The following SLC3A1 variants were observed in gnomAD, a reference collection of about 807,000 sequenced individuals.
SLC3A1 encodes the protein amino acid transporter heavy chain SLC3A1.
SLC3A1 carries 78 observed loss-of-function variants against 60.3 expected under a neutral mutation model. The ratio of observed to expected loss-of-function variants is 1.29; its 90% CI spans 1.08 to 1.56. SLC3A1 has a LOEUF of 1.56. SLC3A1 is among the 40% of genes most tolerant of loss of function. The probability of loss-of-function intolerance (pLI) is 0.00; values close to 1 mark genes in which losing one functional copy is unlikely to be tolerated. For synonymous variants in SLC3A1, 392 were observed against 307.9 expected (o/e 1.27, Z -2.86); for missense variants, 1,172 against 858.9 (o/e 1.36, Z -4.56).
At chr2:44,308,033 G>A (rs1012762489) in intron 7 of SLC3A1, among the ~76,000 whole-genome samples, 1 of 152,156 alleles carries the variant, frequency 6.6e-6, no homozygotes. Context: ...CCAGCACTTT[G>A]GGAGGCTGAG....
At chr2:44,312,325 T>C (rs1179755802) in intron 7 of SLC3A1, among the ~76,000 whole-genome samples, 1 of 152,194 alleles carries the variant, frequency 6.6e-6, no homozygotes, top group Non-Finnish European at 1.5e-5. Context: ...TGAGAAAATA[T>C]GACTATGTAC....
chr2:44,321,254 CTTAAAAGTCTCAAG>C lies in SLC3A1; in HGVS notation c.*619_*632del. On this transcript the variant is annotated 3_prime_UTR_variant, in exon 10 of 10. Coordinates refer to ENST00000260649, the MANE Select transcript of SLC3A1 (RefSeq NM_000341.4). The stretch of plus-strand genomic sequence containing the variant: ...GAAGCACATTTTAAAAAATTAATAA[CTTAAAAGTCTCAAG>C]TTATTAATTTTTTTTTTGCTAACTC... 9.7e-7 allele frequency: 1 copy of C among 1,034,046 alleles called. No individual in the cohort carries two copies. 64.1% of individuals were successfully genotyped at this position (1,034,046 alleles called of 1,614,324 possible).
chr2:44,310,473 G>A (rs928091577), intron 7 of SLC3A1, among the ~76,000 whole-genome samples: 2 of 152,028 alleles, frequency 1.3e-5, no homozygotes, highest in Admixed American at 1.3e-4. Flanking sequence ...TTGCCCTCTG[G>A]CCTTCATGGT....
intron 4 of SLC3A1, among the ~76,000 whole-genome samples, chr2:44,297,560 C>G (rs1046402359): frequency 3.9e-5 from 6 of 152,222 alleles, no homozygotes; most frequent in Non-Finnish European, 8.8e-5. Flanking sequence ...GGTGTCTCCT[C>G]TCATGAGGAC....
Position 44,321,398 on chromosome 2 carries a change from GCT to G in SLC3A1, c.*760_*761del. The stretch of plus-strand genomic sequence containing the variant: ...TCTTAAGATCCTCGAAAACACTGGT[GCT>G]GTCAAGTCCAAGTTCCTCGTACAGG... On this transcript the variant is annotated 3_prime_UTR_variant, in exon 10 of 10. Coordinates refer to ENST00000260649, the MANE Select transcript of SLC3A1 (RefSeq NM_000341.4). 2 of 1,612,896 alleles carry G rather than the reference GCT, an allele frequency of 1.2e-6. No homozygotes were observed. Among genetic ancestry groups the G allele is most frequent in the Non-Finnish European group, 1.7e-6 (2 of 1,179,082 alleles).
At chr2:44,289,612 A>C (rs1026558369) in intron 4 of SLC3A1, among the ~76,000 whole-genome samples, 2 of 151,250 alleles carry the variant, frequency 1.3e-5, no homozygotes, top group African/African-American at 4.9e-5. Flanking sequence ...AAGCGTTTTT[A>C]ATTTTGATGA....
rs149688828 is a variant in SLC3A1 at position 44,299,756 on chromosome 2, A to T, written c.892-215A>T. 1.2e-3 allele frequency among the ~76,000 whole-genome samples: 187 copies of T among 152,336 alleles called. 1 individual carries two copies. The highest frequency in any genetic ancestry group is 4.1e-3 in the African/African-American group (171 of 41,578). ...TAACTAATTGTAATTCTGAATTCAC[A>T]TATGAAGGAGGTGTGGGAGTCGCTA... On this transcript the variant is annotated intron_variant, in intron 4 of 9. Coordinates refer to ENST00000260649, the MANE Select transcript of SLC3A1 (RefSeq NM_000341.4).
rs148449612 is a variant in SLC3A1 at position 44,320,581 on chromosome 2, T to C, written c.2000T>C (p.Phe667Ser). 1.1e-5 allele frequency: 17 copies of C among 1,613,934 alleles called. No homozygotes were observed. The highest frequency in any genetic ancestry group is 1.4e-5 in the Non-Finnish European group (16 of 1,179,934). ...CAAACAGCTTTCAGAGATAGATGCT[T>C]TGTTTCCAATCGAGCATGCTATTCC... ...HRQTAFRDRC[F>S]VSNRACYSSV... The change falls in exon 10 of 10, where the codon TTT becomes TCT. Residue 667 changes from phenylalanine (F) to serine (S), a missense_variant. Physicochemically the swap from Phe to Ser is radical, Grantham distance 155. Transcript: ENST00000260649.
intron 7 of SLC3A1, 125 bp downstream of exon 7, chr2:44,304,463 C>T (rs934795026): frequency 1.0e-5 from 8 of 786,808 alleles, no homozygotes; most frequent in Non-Finnish European, 1.5e-5. Flanking sequence ...GGTGATTGTT[C>T]AGTGGTCAGG....
chr2:44,286,133 T>G lies in SLC3A1; in HGVS notation c.867T>G (p.Asn289Lys), dbSNP rs1221869329. ...AGCAACCTGATTTAAATTTCCGCAA[T>G]CCTGATGTTCAAGAAGAAATAAAAG... ...MKEQPDLNFRNPDVQEEIKEI... is the reference protein window; with the variant it reads ...MKEQPDLNFRKPDVQEEIKEI... The change falls in exon 4 of 10, where the codon AAT (asparagine) becomes AAG (lysine). Residue 289 changes from asparagine to lysine, a missense_variant. Transcript: ENST00000260649. 4.3e-6 allele frequency: 7 copies of G among 1,613,922 alleles called. No homozygotes were observed. The highest frequency in any genetic ancestry group is 5.1e-6 in the Non-Finnish European group (6 of 1,179,940).
downstream of SLC3A1, chr2:44,321,579 G>C (rs1247356139): frequency 6.7e-7 from 1 of 1,493,998 alleles, no homozygotes; most frequent in Non-Finnish European, 8.9e-7. Flanking sequence ...TTTCATTCGA[G>C]AGAGAGGCAG....
Position 44,320,816 on chromosome 2 carries a change from A to C in SLC3A1, c.*177A>C, listed in dbSNP as rs1301517112. The C allele has an allele frequency of 1.6e-6, 1 of 641,610 alleles. No homozygotes were observed. The highest frequency in any genetic ancestry group is 1.8e-5 in the African/African-American group (1 of 54,826). 39.7% of individuals were successfully genotyped at this position (641,610 alleles called of 1,614,324 possible). ...ATGTTTTGAAAAAAATAAAATGTTTAAAAGTAAATTATGGCTTATAGGAGC... is the reference window on the plus strand; with the variant it reads ...ATGTTTTGAAAAAAATAAAATGTTTCAAAGTAAATTATGGCTTATAGGAGC... On this transcript the variant is annotated 3_prime_UTR_variant, in exon 10 of 10. Coordinates refer to ENST00000260649, the MANE Select transcript of SLC3A1 (RefSeq NM_000341.4).
chr2:44,294,107 A>G (rs4953081), intron 4 of SLC3A1, among the ~76,000 whole-genome samples: 125,007 of 152,040 alleles, frequency 0.82, 52,335 homozygotes, highest in African/African-American at 0.88. Context: ...GAGAAGGGAG[A>G]CAAACCAAGG....
chr2:44,310,109 G>C (rs1181582397), intron 7 of SLC3A1, among the ~76,000 whole-genome samples: 2 of 152,028 alleles, frequency 1.3e-5, no homozygotes, highest in East Asian at 1.9e-4. Flanking sequence ...GTCCAAGCTG[G>C]TCTTGAACTC....
At chr2:44,313,266 G>C (rs12476997) in intron 8 of SLC3A1, among the ~76,000 whole-genome samples, 12,391 of 152,184 alleles carry the variant, frequency 0.081, 585 homozygotes, top group Non-Finnish European at 0.11. Context: ...TGTAGCTACA[G>C]ATTTCAGAAT....
intron 4 of SLC3A1, among the ~76,000 whole-genome samples, chr2:44,286,831 CCTGTGATGGTGAGCTGTGCGGTGT>C (rs1558456119): frequency 1.5e-5 from 2 of 137,738 alleles, no homozygotes; most frequent in African/African-American, 5.6e-5. Context: ...CTGTGCGGTG[CCTGTGATGGTGAGCTGTGCGGTGT>C]CTGTGACAGT....
chr2:44,283,801 TC>T (rs1320917669), intron 3 of SLC3A1, among the ~76,000 whole-genome samples: 2 of 151,210 alleles, frequency 1.3e-5, no homozygotes, highest in African/African-American at 2.5e-5. Context: ...AGACTTCGAC[TC>T]TAAAAAAATT....
intron 7 of SLC3A1, among the ~76,000 whole-genome samples, chr2:44,310,783 C>A (rs1396523100): frequency 6.6e-6 from 1 of 151,732 alleles, no homozygotes; most frequent in Non-Finnish European, 1.5e-5. Context: ...ATGATAGTAT[C>A]CCACAGGTCT....
In SLC3A1 at chr2:44,301,138, GCA is replaced by G; in HGVS notation, c.1136+12_1136+13del. The stretch of plus-strand genomic sequence containing the variant: ...GCCCGGCAGATACAGGTTGACCACG[GCA>G]TATGCTCTCATTTCTTCCCAGGCTT... On this transcript the variant is annotated intron_variant, in intron 6 of 9. Transcript: ENST00000260649. The G allele has an allele frequency of 6.2e-7, 1 of 1,614,120 alleles. No homozygotes were observed. Among genetic ancestry groups the G allele is most frequent in the Non-Finnish European group, 8.5e-7 (1 of 1,180,012 alleles).
Sources: gnomAD v4.1 joint callset for allele counts (sites outside exome capture counted in the v4.1 genomes callset) on GRCh38, gnomAD v4.1.1 for gene constraint, MANE v1.5 for transcripts, NCBI Gene and HGNC (gene_info 2026-07-23, HGNC 2026-07-21) for gene names.